TAB2: variants seen among roughly 807,000 people sequenced by gnomAD.
TAB2 encodes the protein TGF-beta activated kinase 1 (MAP3K7) binding protein 2, also known as TGF-beta-activated kinase 1 and MAP3K7-binding protein 2.
Under a neutral mutation model 65.0 loss-of-function variants are expected in TAB2, and 3 were observed. That is an observed-to-expected ratio of 0.05 (90% confidence interval 0.02 to 0.12). The LOEUF (loss-of-function observed/expected upper bound fraction) is 0.12, where lower values mean the gene tolerates loss of function less well. Among genes scored for constraint, TAB2 ranks in the 10% least tolerant of loss-of-function variants. The pLI is 1.00. For synonymous variants in TAB2, 298 were observed against 285.1 expected, an observed-to-expected ratio of 1.05 and a Z score of -0.46; for missense variants, 623 against 840.3, an observed-to-expected ratio of 0.74 and a Z score of 3.20.
chr6:149,277,154 T>C (rs1778491503), intron 1 of TAB2, among the ~76,000 whole-genome samples: 1 of 152,228 alleles, frequency 6.6e-6, no homozygotes, highest in Admixed American at 6.5e-5. Context: ...CCTCTTTACT[T>C]TATAAATTAC....
chr6:149,237,576 T>C (rs1777518023), intron 1 of TAB2, among the ~76,000 whole-genome samples: 1 of 152,214 alleles, frequency 6.6e-6, no homozygotes, highest in Non-Finnish European at 1.5e-5. Flanking sequence ...CTCCTGTTTA[T>C]AAAACCTTCA....
intron 1 of TAB2, among the ~76,000 whole-genome samples, chr6:149,243,042 G>C (rs1418066607): frequency 4.6e-5 from 7 of 152,334 alleles, no homozygotes; most frequent in Non-Finnish European, 8.8e-5. Context: ...AATGAGAGAA[G>C]GAATCGGCTA....
rs1382001629 is a variant in TAB2 at position 149,218,723 on chromosome 6, A to G, written c.-174A>G. The G allele has an allele frequency of 1.1e-5, 5 of 455,924 alleles. No individual in the cohort carries two copies. In the Admixed American group the frequency reaches 1.2e-4, roughly 11 times the overall value. The allele number at this position is 455,924 out of a possible 1,614,324, so 28.2% of individuals were successfully genotyped here. ...AGTTTCAATATGACTGCCTGGATGA[A>G]GAAGGATTTGAGACTAAGTTTATTC... On this transcript the variant is annotated 5_prime_UTR_variant, in exon 1 of 2. Coordinates refer to the TAB2 transcript ENST00000606202.
intron 1 of TAB2, among the ~76,000 whole-genome samples, chr6:149,263,474 C>T (rs1053812787): frequency 3.2e-4 from 48 of 152,106 alleles, no homozygotes; most frequent in African/African-American, 1.1e-3. Context: ...CAAGATTTAC[C>T]AGTCACCACC....
chr6:149,374,118 A>G (rs1404509789), intron 2 of TAB2, among the ~76,000 whole-genome samples: 2 of 152,212 alleles, frequency 1.3e-5, no homozygotes, highest in South Asian at 2.1e-4. Context: ...AAAACTAGTG[A>G]AAAGAATTTT....
At chr6:149,344,277 A>G (rs942598519) in intron 1 of TAB2, among the ~76,000 whole-genome samples, 32 of 152,244 alleles carry the variant, frequency 2.1e-4, no homozygotes, top group Admixed American at 1.9e-3. Flanking sequence ...ATTTTTCTCC[A>G]TTATTCAATG....
intron 1 of TAB2, among the ~76,000 whole-genome samples, chr6:149,332,064 CA>C (rs1313679524): frequency 1.3e-5 from 2 of 152,090 alleles, no homozygotes; most frequent in Non-Finnish European, 2.9e-5. Flanking sequence ...TCAAGGATGA[CA>C]AGAGATTTTT....
At chr6:149,340,324 C>T (rs1444996309) in intron 1 of TAB2, among the ~76,000 whole-genome samples, 4 of 151,952 alleles carry the variant, frequency 2.6e-5, no homozygotes, top group African/African-American at 4.8e-5. Context: ...GAGTGTTGAC[C>T]GGAAAAGAAG....
At chr6:149,349,521 G>T (rs1000491840) in intron 1 of TAB2, among the ~76,000 whole-genome samples, 1 of 151,972 alleles carries the variant, frequency 6.6e-6, no homozygotes, top group African/African-American at 2.4e-5. Context: ...TGAGATAGCT[G>T]GTAAGTGTTT....
intron 1 of TAB2, among the ~76,000 whole-genome samples, chr6:149,261,401 A>G (rs563595357): frequency 6.6e-6 from 1 of 152,364 alleles, no homozygotes; most frequent in South Asian, 2.1e-4. Context: ...AGATGAAAGC[A>G]CAGTATTTTC....
intron 1 of TAB2, among the ~76,000 whole-genome samples, chr6:149,363,918 C>T (rs1346549609): frequency 1.3e-5 from 2 of 152,120 alleles, no homozygotes; most frequent in East Asian, 3.8e-4. Flanking sequence ...TTGATTTTTC[C>T]CATTGTTTCC....
rs549371419 is a variant in TAB2 at position 149,252,909 on chromosome 6, G to A, written c.-121+34133G>A. 1.1e-3 allele frequency among the ~76,000 whole-genome samples: 164 copies of A among 152,310 alleles called. No homozygotes were observed. The South Asian group carries it at 0.017, about 15-fold the overall frequency. On this transcript the variant is annotated intron_variant, in intron 1 of 1. Coordinates refer to the TAB2 transcript ENST00000606202. The stretch of plus-strand genomic sequence containing the variant: ...GAAGAACTTGCCTTTGGTCCCACGA[G>A]GAGAAGCTATATGGAGCAGAGAAGG...
At chr6:149,222,878 T>A (rs1777183042) in intron 1 of TAB2, among the ~76,000 whole-genome samples, 1 of 152,172 alleles carries the variant, frequency 6.6e-6, no homozygotes, top group Non-Finnish European at 1.5e-5. Flanking sequence ...TTTTCTAGAA[T>A]CACTTTTTCC....
At chr6:149,266,536 C>A (rs1778268707) in intron 1 of TAB2, among the ~76,000 whole-genome samples, 1 of 152,198 alleles carries the variant, frequency 6.6e-6, no homozygotes. Context: ...AACGGAGAGA[C>A]TGGATTGCCC....
At chr6:149,280,363 A>C (rs1026120152) in intron 1 of TAB2, among the ~76,000 whole-genome samples, 1 of 152,148 alleles carries the variant, frequency 6.6e-6, no homozygotes, top group Admixed American at 6.6e-5. Flanking sequence ...CCATACTAAA[A>C]CTGTCAGAGT....
At chr6:149,299,479 A>T (rs983477585) in intron 1 of TAB2, among the ~76,000 whole-genome samples, 2 of 152,114 alleles carry the variant, frequency 1.3e-5, no homozygotes, top group African/African-American at 4.8e-5. Flanking sequence ...CGCTGAGGCA[A>T]GAGAATCACT....
chr6:149,318,308 C>T (rs1779323650), intron 1 of TAB2, among the ~76,000 whole-genome samples: 1 of 151,668 alleles, frequency 6.6e-6, no homozygotes, highest in Admixed American at 6.6e-5. Flanking sequence ...GAATCGAGCG[C>T]CTAGGAGAGC....
At chr6:149,273,179 A>C (rs961922804) in intron 1 of TAB2, among the ~76,000 whole-genome samples, 1 of 152,182 alleles carries the variant, frequency 6.6e-6, no homozygotes, top group Non-Finnish European at 1.5e-5. Context: ...CTCGCAGCAA[A>C]GCATTATTCA....
At chr6:149,254,112 A>AGGAAGGAAGGAC (rs1562389742) in intron 1 of TAB2, among the ~76,000 whole-genome samples, 1 of 132,832 alleles carries the variant, frequency 7.5e-6, no homozygotes, top group African/African-American at 2.8e-5. Context: ...GAAGGAAGGA[A>AGGAAGGAAGGAC]GGACAGGGAA....
Sources: allele counts gnomAD v4.1 joint callset (sites outside exome capture counted in the v4.1 genomes callset), GRCh38; gene constraint gnomAD v4.1.1; transcripts MANE v1.5; gene names NCBI Gene and HGNC (gene_info 2026-07-23, HGNC 2026-07-21).